The following ADGRL2 variants were observed in gnomAD, a reference collection of about 807,000 sequenced individuals.
ADGRL2 encodes the protein calcium-independent alpha-latrotoxin receptor 2.
A neutral mutation model predicts 157.4 loss-of-function variants in ADGRL2; 44 were observed. The ratio of observed to expected loss-of-function variants is 0.28; its 90% CI spans 0.22 to 0.36. ADGRL2 has a LOEUF of 0.36. ADGRL2 is among the 10% of genes least tolerant of loss of function. The pLI is 1.00. For synonymous variants in ADGRL2, 585 were observed against 624.7 expected, an observed-to-expected ratio of 0.94 and a Z score of 0.95; for missense variants, 1,510 against 1,768.9, an observed-to-expected ratio of 0.85 and a Z score of 2.63.
intron 1 of ADGRL2, among the ~76,000 whole-genome samples, chr1:81,335,479 C>T (rs1338798031): frequency 6.6e-6 from 1 of 152,172 alleles, no homozygotes; most frequent in African/African-American, 2.4e-5. Context: ...AAGCCAAACC[C>T]TCACCCCCAA....
chr1:81,468,153 C>G (rs1355163077), intron 2 of ADGRL2, among the ~76,000 whole-genome samples: 1 of 152,004 alleles, frequency 6.6e-6, no homozygotes, highest in Admixed American at 6.6e-5. Context: ...ATGAAGTTCT[C>G]CATTATATCT....
intron 3 of ADGRL2, among the ~76,000 whole-genome samples, chr1:81,668,398 G>T (rs541710502): frequency 6.8e-6 from 1 of 146,478 alleles, no homozygotes; most frequent in Non-Finnish European, 1.5e-5. Flanking sequence ...GCAGCCTGGC[G>T]ACAGAGTAAC....
At chr1:81,330,222 A>G (rs920576138) in intron 1 of ADGRL2, among the ~76,000 whole-genome samples, 1 of 152,088 alleles carries the variant, frequency 6.6e-6, no homozygotes, top group African/African-American at 2.4e-5. Flanking sequence ...TTGATGTTTT[A>G]TAGAAAAATG....
intron 1 of ADGRL2, among the ~76,000 whole-genome samples, chr1:81,417,560 A>G (rs1232811391): frequency 6.6e-6 from 1 of 152,166 alleles, no homozygotes; most frequent in Non-Finnish European, 1.5e-5. Flanking sequence ...TCCTTTCAGC[A>G]ATATGGCACC....
Position 81,612,028 on chromosome 1 carries a change from C to T in ADGRL2, c.-143+31048C>T, listed in dbSNP as rs536713274. Among the ~76,000 whole-genome samples the T allele has an allele frequency of 2.0e-4, 30 of 152,252 alleles. No individual in the cohort carries two copies. The East Asian group carries it at 5.8e-3, about 29-fold the overall frequency. ...GATTGTAAGTTTCCTGAGACCTCCCCAGCCATACCAAATTATGAGTCAATT... is the reference window on the plus strand; with the variant it reads ...GATTGTAAGTTTCCTGAGACCTCCCTAGCCATACCAAATTATGAGTCAATT... On this transcript the variant is annotated intron_variant, in intron 3 of 24. Coordinates refer to the ADGRL2 transcript ENST00000370721.
At chr1:81,403,457 G>A (rs1011834288) in intron 1 of ADGRL2, among the ~76,000 whole-genome samples, 1 of 151,944 alleles carries the variant, frequency 6.6e-6, no homozygotes, top group Non-Finnish European at 1.5e-5. Flanking sequence ...TTAGAGATGG[G>A]GTTTCACAAT....
intron 2 of ADGRL2, among the ~76,000 whole-genome samples, chr1:81,574,937 C>T (rs993899744): frequency 6.6e-6 from 1 of 152,184 alleles, no homozygotes; most frequent in East Asian, 1.9e-4. Context: ...TCGTAGCTCC[C>T]CTCTGTGTGT....
intron 1 of ADGRL2, among the ~76,000 whole-genome samples, chr1:81,366,754 A>C (rs1557632022): frequency 6.6e-6 from 1 of 152,098 alleles, no homozygotes; most frequent in Non-Finnish European, 1.5e-5. Context: ...TTCTCTAATG[A>C]ATTTTAGTTA....
At chr1:81,833,764 A>G (rs958104865) in intron 1 of ADGRL2, among the ~76,000 whole-genome samples, 1 of 152,200 alleles carries the variant, frequency 6.6e-6, no homozygotes, top group Non-Finnish European at 1.5e-5. Context: ...CTGACTGTAC[A>G]TTGCACGTAG....
At chr1:81,817,048 A>G (rs1032034935) in intron 1 of ADGRL2, among the ~76,000 whole-genome samples, 2 of 151,822 alleles carry the variant, frequency 1.3e-5, no homozygotes, top group Non-Finnish European at 2.9e-5. Context: ...CATCATCCAC[A>G]TAATAAATGA....
chr1:81,358,305 G>C (rs947735896), intron 1 of ADGRL2, among the ~76,000 whole-genome samples: 2 of 152,168 alleles, frequency 1.3e-5, no homozygotes, highest in East Asian at 3.9e-4. Flanking sequence ...ATAAGGTGCA[G>C]TGAAGGAAAG....
At chr1:81,786,104 C>CA (rs2087032628) in intron 2 of ADGRL2, among the ~76,000 whole-genome samples, 1 of 150,494 alleles carries the variant, frequency 6.6e-6, no homozygotes, top group Admixed American at 6.6e-5. Context: ...ACTTCATCTC[C>CA]AAAAAATAAA....
intron 2 of ADGRL2, among the ~76,000 whole-genome samples, chr1:81,861,253 T>C (rs11586442): frequency 0.28 from 42,905 of 152,006 alleles, 6,592 homozygotes; most frequent in East Asian, 0.67. Context: ...ACTCCTGACC[T>C]CAGATGATCC....
intron 1 of ADGRL2, among the ~76,000 whole-genome samples, chr1:81,311,565 A>T (rs1371494819): frequency 1.3e-5 from 2 of 152,168 alleles, no homozygotes; most frequent in African/African-American, 2.4e-5. Context: ...TGGTTGATTG[A>T]ATTTTGTAAA....
intron 1 of ADGRL2, among the ~76,000 whole-genome samples, chr1:81,754,301 A>G (rs1368890143): frequency 3.3e-5 from 5 of 150,324 alleles, no homozygotes; most frequent in Non-Finnish European, 4.4e-5. Context: ...AGCTTTGGAA[A>G]CATAGACATA....
chr1:81,852,355 C>T (rs989956297), intron 2 of ADGRL2, among the ~76,000 whole-genome samples: 10 of 151,948 alleles, frequency 6.6e-5, no homozygotes, highest in East Asian at 1.9e-4. Flanking sequence ...TCCAGGTAAC[C>T]GCCTGGTAAG....
chr1:81,570,501 G>A (rs924420988), intron 2 of ADGRL2, among the ~76,000 whole-genome samples: 2 of 152,070 alleles, frequency 1.3e-5, no homozygotes, highest in African/African-American at 4.8e-5. Context: ...CAATTCTTGT[G>A]CCTCAGCCTC....
intron 2 of ADGRL2, among the ~76,000 whole-genome samples, chr1:81,554,518 A>G (rs1290095144): frequency 6.6e-6 from 1 of 152,010 alleles, no homozygotes; most frequent in South Asian, 2.1e-4. Context: ...TGAATGTAAT[A>G]AAGAAATGGC....
intron 2 of ADGRL2, among the ~76,000 whole-genome samples, chr1:81,881,636 T>C (rs901568137): frequency 6.6e-6 from 1 of 152,172 alleles, no homozygotes; most frequent in Non-Finnish European, 1.5e-5. Context: ...AGCTGAGATC[T>C]CCCTTCCTCC....
Sources: gnomAD v4.1 joint callset for allele counts (sites outside exome capture counted in the v4.1 genomes callset) on GRCh38, gnomAD v4.1.1 for gene constraint, MANE v1.5 for transcripts, NCBI Gene and HGNC (gene_info 2026-07-23, HGNC 2026-07-21) for gene names.